The following GAD1 variants were observed in gnomAD, a reference collection of about 807,000 sequenced individuals.
GAD1 encodes the protein 67 kDa glutamic acid decarboxylase.
Under a neutral mutation model 75.2 loss-of-function variants are expected in GAD1, and 35 were observed. That is an observed-to-expected ratio of 0.47 (90% CI 0.36 to 0.62). The LOEUF (loss-of-function observed/expected upper bound fraction) is 0.62. Among genes scored for constraint, GAD1 ranks in the 20% least tolerant of loss-of-function variants. The pLI is 0.00. For missense variants in GAD1, 490 were observed against 758.5 expected, an observed-to-expected ratio of 0.65 and a Z score of 4.16; for synonymous variants, 257 against 271.9, an observed-to-expected ratio of 0.95 and a Z score of 0.54.
At position 170,818,083 on chromosome 2, in the gene GAD1, C is replaced by T; in HGVS notation, c.-63-446C>T. The T allele has an allele frequency of 5.9e-6, 1 of 169,804 alleles. No individual in the cohort carries two copies. The allele number at this position is 169,804 out of a possible 1,614,324, so 10.5% of individuals were successfully genotyped here. On this transcript the variant is annotated intron_variant, in intron 1 of 16. Coordinates refer to ENST00000358196, the MANE Select transcript of GAD1 (RefSeq NM_000817.3). The surrounding 1 kb of genome is among the most constrained non-coding windows in gnomAD (Gnocchi z 5.9). ...GAACCAGACATGCCCGCCCCGTGCG[C>T]CCTCCCCCCGCTGGCCCACACGCCG...
chr2:170,843,922 A>T, intron 6 of GAD1, 123 bp from the exon 7 acceptor site: 1 of 691,806 alleles, frequency 1.4e-6, no homozygotes, highest in Non-Finnish European at 2.7e-6. Context: ...GAATCATGTT[A>T]GTGGTTTGGA....
In GAD1 at chr2:170,853,777, T is replaced by C; in HGVS notation, c.1264-96T>C. ...AAGACATCAGAAGAAAGATTGCATA[T>C]GACCCCAAGCCCCTCCTTCCAAGCA... On this transcript the variant is annotated intron_variant, in intron 13 of 16. Transcript: ENST00000358196. This position sits in a 1 kb window ranked among gnomAD's most constrained non-coding sequence, Gnocchi z 4.1. 1.7e-6 allele frequency: 2 copies of C among 1,211,502 alleles called. No individual in the cohort carries two copies. Among genetic ancestry groups the C allele is most frequent in the African/African-American group, 3.0e-5 (2 of 67,290 alleles). 75.0% of individuals were successfully genotyped at this position (1,211,502 alleles called of 1,614,324 possible). A position where few individuals can be genotyped will look rare whatever the true frequency, so the allele number is the denominator to read the frequency against.
At chr2:170,835,202 A>T (rs949021648) in intron 5 of GAD1, among the ~76,000 whole-genome samples, 2 of 152,210 alleles carry the variant, frequency 1.3e-5, no homozygotes, top group Non-Finnish European at 1.5e-5. Flanking sequence ...CATGAACGTC[A>T]TAAATGCTTT....
intron 3 of GAD1, among the ~76,000 whole-genome samples, chr2:170,825,462 G>A (rs1702001134): frequency 6.6e-6 from 1 of 152,242 alleles, no homozygotes; most frequent in Non-Finnish European, 1.5e-5. Flanking sequence ...CCATAGCTTG[G>A]TGAACAGAGA....
At chr2:170,852,566 A>G (rs189695888) in intron 12 of GAD1, 148 bp from the exon 13 acceptor site, 23 of 718,148 alleles carry the variant, frequency 3.2e-5, no homozygotes, top group African/African-American at 1.7e-4. Context: ...TGCCTGCAAA[A>G]CATTTGTTTG....
chr2:170,830,915 CA>C (rs1702203823), intron 4 of GAD1, 34 bp from the exon 5 acceptor site: 1 of 1,613,958 alleles, frequency 6.2e-7, no homozygotes, highest in Non-Finnish European at 8.5e-7. Context: ...AGATATGAGT[CA>C]GGTGAAAACC....
chr2:170,820,040 C>T (rs1027947139), intron 2 of GAD1, among the ~76,000 whole-genome samples: 2 of 152,218 alleles, frequency 1.3e-5, no homozygotes, highest in Non-Finnish European at 2.9e-5. Flanking sequence ...ATGAACCAGG[C>T]ACCGGCGTTG....
intron 3 of GAD1, among the ~76,000 whole-genome samples, chr2:170,824,077 C>G (rs3791866): frequency 0.35 from 52,701 of 152,028 alleles, 10,127 homozygotes; most frequent in Non-Finnish European, 0.44. Context: ...CCCCCTCCCC[C>G]ACTGTCAGCC....
chr2:170,832,295 T>C (rs561369524), intron 5 of GAD1, among the ~76,000 whole-genome samples: 15 of 152,300 alleles, frequency 9.8e-5, no homozygotes, highest in African/African-American at 3.6e-4. Context: ...TCCACCCTTG[T>C]CTTTACCAGC....
chr2:170,859,956 G>T lies in GAD1; in HGVS notation c.*74G>T. On this transcript the variant is annotated 3_prime_UTR_variant, in exon 17 of 17. Transcript: ENST00000358196. ...ACTCCAGAACAAACCTCTATATGTT[G>T]CTGAAACACACAGGCCATTTCATTG... 7.4e-7 allele frequency: 1 copy of T among 1,357,010 alleles called. No individual in the cohort carries two copies. The highest frequency in any genetic ancestry group is 1.0e-6 in the Non-Finnish European group (1 of 958,422). The allele number at this position is 1,357,010 out of a possible 1,614,324, so 84.1% of individuals were successfully genotyped here. A position where few individuals can be genotyped will look rare whatever the true frequency, so the allele number is the denominator to read the frequency against.
intron 5 of GAD1, among the ~76,000 whole-genome samples, chr2:170,834,663 T>C (rs1702324984): frequency 6.6e-6 from 1 of 152,212 alleles, no homozygotes; most frequent in Non-Finnish European, 1.5e-5. Context: ...AATGCCCTGC[T>C]TTATTATCAG....
intron 12 of GAD1, among the ~76,000 whole-genome samples, chr2:170,852,111 A>G (rs1386983605): frequency 1.3e-5 from 2 of 152,182 alleles, no homozygotes; most frequent in Non-Finnish European, 2.9e-5. Context: ...CTGGACTTGA[A>G]TCCAGGCTCC....
chr2:170,842,281 T>C (rs1702534157), intron 6 of GAD1, among the ~76,000 whole-genome samples: 1 of 152,220 alleles, frequency 6.6e-6, no homozygotes, highest in Non-Finnish European at 1.5e-5. Context: ...CCAACTTTCA[T>C]CCAGTCTTTG....
rs766742593 is a variant in GAD1, at chr2:170,858,905, C to G, written c.1611+12C>G. The G allele has an allele frequency of 6.3e-5, 102 of 1,609,796 alleles. No individual in the cohort carries two copies. The highest frequency in any genetic ancestry group is 8.0e-5 in the Non-Finnish European group (94 of 1,176,182). On this transcript the variant is annotated intron_variant, in intron 16 of 16. Coordinates refer to ENST00000358196, the MANE Select transcript of GAD1 (RefSeq NM_000817.3). ...AAAAGCTACACAAGGTATGGACTTG[C>G]TTTTTGTCTCATCTAATCCTCTGCA...
chr2:170,829,092 T>A (rs1318392764), intron 3 of GAD1: 34 of 338,504 alleles, frequency 1.0e-4, no homozygotes, highest in Non-Finnish European at 1.7e-4. Flanking sequence ...CTTCTGCTTA[T>A]ACAGCCCATA....
At chr2:170,822,595 T>C (rs1701918214) in intron 3 of GAD1, among the ~76,000 whole-genome samples, 2 of 152,218 alleles carry the variant, frequency 1.3e-5, no homozygotes, top group Non-Finnish European at 2.9e-5. Context: ...CCTAAAGCTG[T>C]AGCTGACACG....
chr2:170,834,037 G>A (rs139511480), intron 5 of GAD1, among the ~76,000 whole-genome samples: 135 of 151,744 alleles, frequency 8.9e-4, no homozygotes, highest in African/African-American at 3.0e-3. Context: ...AGAAAGCATT[G>A]ACTTTCATTA....
At chr2:170,849,749 G>T (rs952991289) in intron 12 of GAD1, among the ~76,000 whole-genome samples, 3 of 152,224 alleles carry the variant, frequency 2.0e-5, no homozygotes, top group African/African-American at 7.2e-5. Context: ...AACACAATGT[G>T]ATAAGTGTAA....
intron 6 of GAD1, among the ~76,000 whole-genome samples, chr2:170,843,556 T>G (rs1428933688): frequency 6.6e-6 from 1 of 152,148 alleles, no homozygotes; most frequent in African/African-American, 2.4e-5. Flanking sequence ...TTTACATTAT[T>G]TTTAAAAGAT....
Sources: gnomAD v4.1 joint callset for allele counts (sites outside exome capture counted in the v4.1 genomes callset) on GRCh38, gnomAD v4.1.1 for gene constraint, Gnocchi (gnomAD v3.1) non-coding constraint, MANE v1.5 for transcripts, NCBI Gene and HGNC (gene_info 2026-07-23, HGNC 2026-07-21) for gene names.